The following C5orf24 variants were observed in gnomAD, a reference collection of about 807,000 sequenced individuals.
C5orf24 encodes the protein UPF0461 protein C5orf24.
In C5orf24, 4 loss-of-function variants were observed where a neutral mutation model predicts 9.8. The observed-to-expected ratio is 0.41, with a 90% CI of 0.20 to 0.93. C5orf24 has a LOEUF of 0.93. Among genes scored for constraint, C5orf24 ranks in the 40% least tolerant of loss-of-function variants. The pLI, the probability that C5orf24 is intolerant of heterozygous loss-of-function variation, is 0.33. For synonymous variants in C5orf24, 73 were observed against 81.3 expected (o/e 0.90, Z 0.55); for missense variants, 170 against 236.9 (o/e 0.72, Z 1.85).
chr5:134,849,187 A>G (rs1024392222), intron 1 of C5orf24, among the ~76,000 whole-genome samples: 2 of 152,046 alleles, frequency 1.3e-5, no homozygotes, highest in African/African-American at 4.8e-5. Flanking sequence ...CCGGGGTTCC[A>G]GAGGTTGCAG....
In C5orf24 at chr5:134,857,360, A is replaced by G. The variant is rs1215711079; in HGVS notation, c.*1893A>G. 4 of 1,547,778 alleles carry G rather than the reference A, an allele frequency of 2.6e-6. No homozygotes were observed. In the East Asian group the frequency reaches 9.8e-5, roughly 38 times the overall value. On this transcript the variant is annotated 3_prime_UTR_variant, in exon 2 of 2. Transcript: ENST00000394976. ...TGTTTCATACCTTTTTTATCAGGAA[A>G]AAAGCAGCAAGCCTTCAGGTGTTCC...
the C5orf24 span, among the ~76,000 whole-genome samples, chr5:134,836,928 T>TG: frequency 6.6e-6 from 1 of 152,304 alleles, no homozygotes; most frequent in South Asian, 2.1e-4. Flanking sequence ...GTATGTATAT[T>TG]GGGAGGGTAC....
chr5:134,843,634 G>T (rs1412126190), upstream of C5orf24, among the ~76,000 whole-genome samples: 3 of 152,184 alleles, frequency 2.0e-5, no homozygotes, highest in Admixed American at 1.3e-4. Flanking sequence ...TCAACTGACT[G>T]CAACCTCCGC....
At chr5:134,836,147 G>A in the C5orf24 span, among the ~76,000 whole-genome samples, 4 of 141,902 alleles carry the variant, frequency 2.8e-5, no homozygotes, top group Non-Finnish European at 6.1e-5. Context: ...ACATCCTGAT[G>A]TCTGGCTGGT....
intron 1 of C5orf24, among the ~76,000 whole-genome samples, chr5:134,850,036 T>A (rs1273813796): frequency 6.6e-6 from 1 of 152,202 alleles, no homozygotes; most frequent in African/African-American, 2.4e-5. Context: ...GTGTTTTGCA[T>A]GGAGTTGGCC....
chr5:134,849,647 CTTT>C lies in C5orf24; in HGVS notation c.-4+3460_-4+3462del, dbSNP rs35375521. ...CACTTCAGAAATGTTAAGTCAGTGT[CTTT>C]TTTTTTTTTTTTTTTTTTTTTTTTA... On this transcript the variant is annotated intron_variant, in intron 1 of 1. Transcript: ENST00000394976. 1.4e-4 allele frequency among the ~76,000 whole-genome samples: 11 copies of C among 76,966 alleles called. 1 individual carries two copies. Among genetic ancestry groups the C allele is most frequent in the South Asian group, 6.9e-4 (1 of 1,450 alleles). 50.5% of individuals were successfully genotyped at this position (76,966 alleles called of 152,430 possible). A position where few individuals can be genotyped will look rare whatever the true frequency, so the allele number is the denominator to read the frequency against.
At chr5:134,835,052 A>G in the C5orf24 span, among the ~76,000 whole-genome samples, 1 of 151,954 alleles carries the variant, frequency 6.6e-6, no homozygotes, top group African/African-American at 2.4e-5. Flanking sequence ...TCAAAAAAAA[A>G]AAAAATTAGC....
chr5:134,849,204 A>G (rs977619259), intron 1 of C5orf24, among the ~76,000 whole-genome samples: 1 of 152,122 alleles, frequency 6.6e-6, no homozygotes, highest in African/African-American at 2.4e-5. Context: ...GCAGTGAGCC[A>G]AGATCAAGTC....
At position 134,857,476 on chromosome 5, in the gene C5orf24, C is replaced by CTAA. The variant is rs1486331073; in HGVS notation, c.*2010_*2012dup. On this transcript the variant is annotated 3_prime_UTR_variant, in exon 2 of 2. Transcript: ENST00000394976. Reference sequence around the variant, plus strand: ...ATGTGGGGACTATGTGCACTGGCGTCTAAGACAGTGACCTCAACAATATTA... The same window carrying CTAA: ...ATGTGGGGACTATGTGCACTGGCGTCTAATAAGACAGTGACCTCAACAATATTA... 7 of 1,446,630 alleles carry CTAA rather than the reference C, an allele frequency of 4.8e-6. No homozygotes were observed. In the East Asian group the frequency reaches 1.8e-4, roughly 38 times the overall value. 89.6% of individuals were successfully genotyped at this position (1,446,630 alleles called of 1,614,324 possible).
chr5:134,857,428 T>C lies in C5orf24; in HGVS notation c.*1961T>C, dbSNP rs1407602981. 1.3e-6 allele frequency: 2 copies of C among 1,544,102 alleles called. No individual in the cohort carries two copies. The highest frequency in any genetic ancestry group is 1.4e-5 in the African/African-American group (1 of 72,962). ...TTGAGCTGGACTTTATGCTGCTCTT[T>C]ACAGTAAGAGGTGTTGCATTGTATG... On this transcript the variant is annotated 3_prime_UTR_variant, in exon 2 of 2. Coordinates refer to ENST00000394976, the MANE Select transcript of C5orf24 (RefSeq NM_001135586.1).
intron 1 of C5orf24, 91 bp downstream of exon 1, chr5:134,846,303 C>T (rs1162400100): frequency 1.3e-5 from 2 of 152,418 alleles, no homozygotes; most frequent in East Asian, 1.9e-4. Flanking sequence ...GAGAAGAGGC[C>T]TCCTGCCAAG....
chr5:134,834,270 A>T, the C5orf24 span, among the ~76,000 whole-genome samples: 3 of 152,134 alleles, frequency 2.0e-5, no homozygotes, highest in South Asian at 6.2e-4. Context: ...TAGTGATTGG[A>T]TTTTTAGCAG....
chr5:134,857,196 G>A lies in C5orf24; in HGVS notation c.*1729G>A. ...CTTTAAAGTTACAATGTTTGTATTT[G>A]GGATTTTAAATGCCTTTGAGATTAA... is the stretch of plus-strand genomic sequence containing the variant. On this transcript the variant is annotated 3_prime_UTR_variant, in exon 2 of 2. Coordinates refer to ENST00000394976, the MANE Select transcript of C5orf24 (RefSeq NM_001135586.1). The A allele has an allele frequency of 7.8e-7, 1 of 1,275,296 alleles. No individual in the cohort carries two copies. Among genetic ancestry groups the A allele is most frequent in the Non-Finnish European group, 1.0e-6 (1 of 1,000,092 alleles). The allele number at this position is 1,275,296 out of a possible 1,614,324, so 79.0% of individuals were successfully genotyped here. A position where few individuals can be genotyped will look rare whatever the true frequency, so the allele number is the denominator to read the frequency against.
At chr5:134,834,937 G>A in the C5orf24 span, among the ~76,000 whole-genome samples, 6 of 152,016 alleles carry the variant, frequency 3.9e-5, no homozygotes, top group Non-Finnish European at 8.8e-5. Context: ...CCAGCTACTC[G>A]GGAGGCTGAG....
At chr5:134,854,859 T>C in intron 1 of C5orf24, 39 bp from the exon 2 acceptor site, 12 of 1,594,566 alleles carry the variant, frequency 7.5e-6, no homozygotes, top group Non-Finnish European at 8.6e-6. Flanking sequence ...TGTATTTGTG[T>C]GTGTGTATTT....
rs1202800267 is a variant in C5orf24, at chr5:134,856,138, C to A, written c.*671C>A. ...TGATAGGTTGTGTATTTTTTAATTG[C>A]CTAAGAGCATATATACCAAACACTA... On this transcript the variant is annotated 3_prime_UTR_variant, in exon 2 of 2. Coordinates refer to ENST00000394976, the MANE Select transcript of C5orf24 (RefSeq NM_001135586.1). 2.0e-6 allele frequency: 2 copies of A among 999,166 alleles called. No individual in the cohort carries two copies. Among genetic ancestry groups the A allele is most frequent in the Non-Finnish European group, 2.4e-6 (2 of 829,290 alleles). The allele number at this position is 999,166 out of a possible 1,614,324, so 61.9% of individuals were successfully genotyped here.
At chr5:134,854,115 G>A (rs1240662275) in intron 1 of C5orf24, among the ~76,000 whole-genome samples, 1 of 152,120 alleles carries the variant, frequency 6.6e-6, no homozygotes, top group East Asian at 1.9e-4. Flanking sequence ...CTTTATTATG[G>A]TTGTTATCCA....
chr5:134,845,181 C>T (rs1319092947), upstream of C5orf24, among the ~76,000 whole-genome samples: 1 of 152,160 alleles, frequency 6.6e-6, no homozygotes, highest in Non-Finnish European at 1.5e-5. Context: ...GTTGTTTCTC[C>T]TCCTTTCTTT....
rs186076288 is a variant in C5orf24 at position 134,850,617 on chromosome 5, C to T, written c.-3-4281C>T. Among the ~76,000 whole-genome samples, 7 of 151,898 alleles carry T rather than the reference C, an allele frequency of 4.6e-5. No homozygotes were observed. The South Asian group carries it at 8.3e-4, about 18-fold the overall frequency. Reference sequence around the variant, plus strand: ...CCTCCCGAGTAGCTGGGATTACAGGCGTGCACCACTACACCAGGCTAATTT... The same window carrying T: ...CCTCCCGAGTAGCTGGGATTACAGGTGTGCACCACTACACCAGGCTAATTT... On this transcript the variant is annotated intron_variant, in intron 1 of 1. Coordinates refer to ENST00000394976, the MANE Select transcript of C5orf24 (RefSeq NM_001135586.1).
Sources: allele counts gnomAD v4.1 joint callset (sites outside exome capture counted in the v4.1 genomes callset), GRCh38; gene constraint gnomAD v4.1.1; transcripts MANE v1.5; gene names NCBI Gene and HGNC (gene_info 2026-07-23, HGNC 2026-07-21).